The following RALA variants were observed in gnomAD, a reference collection of about 807,000 sequenced individuals.
The protein encoded by RALA is RAS like proto-oncogene A, also known as ras-related protein Ral-A.
A neutral mutation model predicts 24.0 loss-of-function variants in RALA; 5 were observed. That is an observed-to-expected ratio of 0.21 (90% CI 0.11 to 0.44). RALA has a LOEUF of 0.44. Ranked by LOEUF, RALA falls within the 20% of genes least tolerant of loss-of-function variation. The probability of loss-of-function intolerance (pLI) is 0.99; values close to 1 mark genes in which losing one functional copy is unlikely to be tolerated. For missense variants in RALA, 95 were observed against 241.2 expected, an observed-to-expected ratio of 0.39 and a Z score of 4.01; for synonymous variants, 77 against 83.8, an observed-to-expected ratio of 0.92 and a Z score of 0.44.
chr7:39,697,341 C>T (rs1042969437), intron 4 of RALA: 6 of 456,578 alleles, frequency 1.3e-5, no homozygotes, highest in African/African-American at 6.0e-5. Context: ...CCTTTGTTTT[C>T]TCCTGAAAGA....
At position 39,707,355 on chromosome 7, in the gene RALA, ATAAAGT is replaced by A; in HGVS notation, c.*1113_*1118del. The A allele has an allele frequency of 6.6e-6, 1 of 152,372 alleles. No individual in the cohort carries two copies. Among genetic ancestry groups the A allele is most frequent in the South Asian group, 2.1e-4 (1 of 4,832 alleles). The allele number at this position is 152,372 out of a possible 1,614,324, so 9.4% of individuals were successfully genotyped here. The stretch of plus-strand genomic sequence containing the variant: ...TCTGTTCATTTCTAAATTTATATTC[ATAAAGT>A]TACAGTTTGATACAGGAATTATTAG... On this transcript the variant is annotated 3_prime_UTR_variant, in exon 5 of 5. Transcript: ENST00000005257.
chr7:39,628,376 TACACACACACACACAC>T (rs36095637), intron 1 of RALA, among the ~76,000 whole-genome samples: 36 of 145,142 alleles, frequency 2.5e-4, no homozygotes, highest in Non-Finnish European at 4.2e-4. Context: ...ACCTCATAAC[TACACACACACACACAC>T]ACACACACAC....
chr7:39,657,078 C>T (rs1259614519), intron 1 of RALA, among the ~76,000 whole-genome samples: 1 of 152,124 alleles, frequency 6.6e-6, no homozygotes, highest in Non-Finnish European at 1.5e-5. Context: ...AGCGATTCTC[C>T]CGTTCAGTCT....
At chr7:39,674,986 G>C (rs762481285) in intron 1 of RALA, among the ~76,000 whole-genome samples, 4 of 151,814 alleles carry the variant, frequency 2.6e-5, no homozygotes, top group African/African-American at 9.7e-5. Flanking sequence ...ACCACACCCC[G>C]CTAATTTTGT....
At chr7:39,636,760 G>A (rs974380056) in intron 1 of RALA, among the ~76,000 whole-genome samples, 1 of 152,202 alleles carries the variant, frequency 6.6e-6, no homozygotes, top group Non-Finnish European at 1.5e-5. Flanking sequence ...CAAGAATCAT[G>A]ACCGGGAGCC....
chr7:39,677,309 G>A (rs544207305), intron 1 of RALA, among the ~76,000 whole-genome samples: 64 of 151,386 alleles, frequency 4.2e-4, no homozygotes, highest in Non-Finnish European at 7.7e-4. Flanking sequence ...GCGGTGTTTG[G>A]TTTTTTGTTC....
At chr7:39,639,557 C>G (rs1366082862) in intron 1 of RALA, among the ~76,000 whole-genome samples, 4 of 152,080 alleles carry the variant, frequency 2.6e-5, no homozygotes, top group Admixed American at 2.6e-4. Flanking sequence ...ATAGTGAGAC[C>G]CTGTTCCTTT....
intron 4 of RALA, among the ~76,000 whole-genome samples, chr7:39,699,430 A>G (rs1027552368): frequency 6.6e-6 from 1 of 151,998 alleles, no homozygotes; most frequent in Non-Finnish European, 1.5e-5. Flanking sequence ...GTGAGCCACC[A>G]CGCCCGGCCT....
chr7:39,677,967 A>C (rs938139848), intron 1 of RALA, among the ~76,000 whole-genome samples: 3 of 145,512 alleles, frequency 2.1e-5, no homozygotes, highest in Non-Finnish European at 4.5e-5. Flanking sequence ...TTGTCAGATG[A>C]GTAGGTTGCG....
At chr7:39,688,084 A>G (rs1792740432) in intron 2 of RALA, among the ~76,000 whole-genome samples, 1 of 152,050 alleles carries the variant, frequency 6.6e-6, no homozygotes, top group South Asian at 2.1e-4. Context: ...GTGTCTCACC[A>G]TTCTTTTTAC....
intron 1 of RALA, among the ~76,000 whole-genome samples, chr7:39,651,260 G>A (rs1792015226): frequency 1.3e-5 from 2 of 152,134 alleles, no homozygotes; most frequent in African/African-American, 2.4e-5. Flanking sequence ...ATGCATTTTC[G>A]ACTTATGATG....
chr7:39,678,914 C>T (rs1278545403), intron 1 of RALA, among the ~76,000 whole-genome samples: 1 of 152,104 alleles, frequency 6.6e-6, no homozygotes, highest in Non-Finnish European at 1.5e-5. Context: ...TACTCTCTCA[C>T]CTCTGTAGTG....
intron 4 of RALA, among the ~76,000 whole-genome samples, chr7:39,705,347 T>A (rs1256704988): frequency 4.6e-5 from 7 of 152,230 alleles, no homozygotes; most frequent in African/African-American, 1.4e-4. Flanking sequence ...AAACATTTTT[T>A]AAATCCAGAA....
chr7:39,678,819 G>A (rs1409758207), intron 1 of RALA, among the ~76,000 whole-genome samples: 1 of 152,038 alleles, frequency 6.6e-6, no homozygotes, highest in East Asian at 1.9e-4. Context: ...GGGCTTTGTT[G>A]ATTTATTTTA....
rs1791726158 is a variant in RALA, at chr7:39,638,617, A to T, written c.-38+14792A>T. Among the ~76,000 whole-genome samples, 3 of 151,952 alleles carry T rather than the reference A, an allele frequency of 2.0e-5. No individual in the cohort carries two copies. The South Asian group carries it at 6.2e-4, about 32-fold the overall frequency. Reference sequence around the variant, plus strand: ...TGCCACCAGGCCTGGCTAATTTTTTAAATTTTTTTGTAGATATAGGGTTCT... The same window carrying T: ...TGCCACCAGGCCTGGCTAATTTTTTTAATTTTTTTGTAGATATAGGGTTCT... On this transcript the variant is annotated intron_variant, in intron 1 of 4. Transcript: ENST00000005257.
chr7:39,627,864 CT>C (rs780220397), intron 1 of RALA, among the ~76,000 whole-genome samples: 10 of 152,304 alleles, frequency 6.6e-5, no homozygotes, highest in Admixed American at 4.6e-4. Flanking sequence ...TCTTGTGGCT[CT>C]TTTTTGCCCA....
intron 1 of RALA, among the ~76,000 whole-genome samples, chr7:39,651,757 A>G (rs1313716717): frequency 6.6e-6 from 1 of 152,188 alleles, no homozygotes; most frequent in African/African-American, 2.4e-5. Flanking sequence ...TGTTCAAAAT[A>G]AAGTTAATAT....
In RALA at chr7:39,661,599, T is replaced by A. The variant is rs191113397; in HGVS notation, c.-37-25032T>A. 6.1e-4 allele frequency among the ~76,000 whole-genome samples: 93 copies of A among 152,316 alleles called. 1 individual carries two copies. Among genetic ancestry groups the A allele is most frequent in the African/African-American group, 2.2e-3 (91 of 41,576 alleles). ...ATCTCCTTTGACTCCATGTCTCACA[T>A]CCAGGTCACTCTGATGCAAAAGGTG... On this transcript the variant is annotated intron_variant, in intron 1 of 4. Transcript: ENST00000005257.
At chr7:39,627,624 G>A (rs77598659) in intron 1 of RALA, among the ~76,000 whole-genome samples, 1,839 of 152,294 alleles carry the variant, frequency 0.012, 41 homozygotes, top group African/African-American at 0.042. Context: ...CAAAAGTTAT[G>A]ATTATGGTCA....
Sources: allele counts gnomAD v4.1 joint callset (sites outside exome capture counted in the v4.1 genomes callset), GRCh38; gene constraint gnomAD v4.1.1; transcripts MANE v1.5; gene names NCBI Gene and HGNC (gene_info 2026-07-23, HGNC 2026-07-21).